The following PLGRKT variants were observed in gnomAD, a reference collection of about 807,000 sequenced individuals.
The protein encoded by PLGRKT is plasminogen receptor with a C-terminal lysine.
A neutral mutation model predicts 18.5 loss-of-function variants in PLGRKT; 22 were observed. The ratio of observed to expected loss-of-function variants is 1.19; its 90% CI spans 0.85 to 1.70. The LOEUF (loss-of-function observed/expected upper bound fraction) is 1.70, where lower values mean the gene tolerates loss of function less well. Ranked by LOEUF, PLGRKT falls within the 40% of genes most tolerant of loss-of-function variation. The pLI, the probability that PLGRKT is intolerant of heterozygous loss-of-function variation, is 0.00. For missense variants in PLGRKT, 235 were observed against 174.4 expected (o/e 1.35, Z -1.96); for synonymous variants, 72 against 52.8 (o/e 1.36, Z -1.58).
rs555840577 is a variant in PLGRKT at position 5,421,844 on chromosome 9, G to C, written c.81+10053C>G. Among the ~76,000 whole-genome samples the C allele has an allele frequency of 4.6e-5, 7 of 152,314 alleles. No individual in the cohort carries two copies. In the East Asian group the frequency reaches 1.2e-3, roughly 25 times the overall value. On this transcript the variant is annotated intron_variant, in intron 3 of 5. Coordinates refer to ENST00000223864, the MANE Select transcript of PLGRKT (RefSeq NM_018465.4). Reference sequence around the variant, plus strand: ...ATCTAAGGGACATAGGAATCAACTTGAAAGAGCTTCCATTAGCCAAAGATG... The same window carrying C: ...ATCTAAGGGACATAGGAATCAACTTCAAAGAGCTTCCATTAGCCAAAGATG...
chr9:5,398,759 G>A lies in PLGRKT; in HGVS notation c.81+33138C>T, dbSNP rs559255319. Among the ~76,000 whole-genome samples the A allele has an allele frequency of 1.3e-4, 19 of 151,886 alleles. 1 individual carries two copies. The highest frequency in any genetic ancestry group is 9.6e-4 in the East Asian group (5 of 5,188). On this transcript the variant is annotated intron_variant, in intron 3 of 5. Transcript: ENST00000223864. Reference sequence around the variant, plus strand: ...GTTTAAAAACTTTTTAAAAGAAGGCGCCACATGATGTTATAATATTGGGTA... The same window carrying A: ...GTTTAAAAACTTTTTAAAAGAAGGCACCACATGATGTTATAATATTGGGTA...
intron 3 of PLGRKT, among the ~76,000 whole-genome samples, chr9:5,422,282 G>A (rs968412639): frequency 6.6e-6 from 1 of 152,176 alleles, no homozygotes; most frequent in Non-Finnish European, 1.5e-5. Flanking sequence ...GACCTCATGA[G>A]CCTTGTGATG....
chr9:5,389,237 G>A (rs1160420151), intron 3 of PLGRKT, among the ~76,000 whole-genome samples: 1 of 151,994 alleles, frequency 6.6e-6, no homozygotes, highest in Admixed American at 6.5e-5. Flanking sequence ...GGCTGCAGGA[G>A]CACTGCTATT....
chr9:5,436,973 T>G (rs765587479), intron 1 of PLGRKT, among the ~76,000 whole-genome samples: 2 of 151,516 alleles, frequency 1.3e-5, no homozygotes, highest in Non-Finnish European at 2.9e-5. Context: ...TCACCAGGGG[T>G]AAAAAAAAAT....
chr9:5,373,244 T>C (rs1181142171), intron 3 of PLGRKT, among the ~76,000 whole-genome samples: 1 of 152,172 alleles, frequency 6.6e-6, no homozygotes, highest in African/African-American at 2.4e-5. Flanking sequence ...TATGCCCCTA[T>C]CCACTGTAGT....
chr9:5,407,087 A>G (rs1818272150), intron 3 of PLGRKT, among the ~76,000 whole-genome samples: 1 of 152,196 alleles, frequency 6.6e-6, no homozygotes, highest in South Asian at 2.1e-4. Context: ...CTCAAAGTAA[A>G]TATTTCTTCA....
chr9:5,420,393 G>A (rs555821851), intron 3 of PLGRKT, among the ~76,000 whole-genome samples: 22 of 152,228 alleles, frequency 1.4e-4, no homozygotes, highest in Admixed American at 1.0e-3. Context: ...AAATGGTGAC[G>A]TTTATATGAT....
At chr9:5,382,134 T>C (rs1476400329) in intron 3 of PLGRKT, 1 of 441,566 alleles carries the variant, frequency 2.3e-6, no homozygotes, top group Non-Finnish European at 3.0e-6. Flanking sequence ...CTATTCATGA[T>C]GACTCTCTAT....
intron 3 of PLGRKT, among the ~76,000 whole-genome samples, chr9:5,414,189 C>T (rs1046098228): frequency 2.6e-5 from 4 of 152,100 alleles, no homozygotes; most frequent in Non-Finnish European, 4.4e-5. Flanking sequence ...TTGTTTAAGA[C>T]GGAGTCTCAC....
At chr9:5,384,771 C>T (rs1195034476) in intron 3 of PLGRKT, among the ~76,000 whole-genome samples, 3 of 151,934 alleles carry the variant, frequency 2.0e-5, no homozygotes, top group African/African-American at 7.3e-5. Flanking sequence ...AATCATCACT[C>T]CCCACACAAA....
intron 3 of PLGRKT, among the ~76,000 whole-genome samples, chr9:5,394,055 A>C (rs13283426): frequency 0.22 from 33,173 of 151,680 alleles, 4,417 homozygotes; most frequent in Non-Finnish European, 0.29. Context: ...TAGTGTTGCT[A>C]TTTTTATCAT....
At chr9:5,386,294 A>G (rs977414341) in intron 3 of PLGRKT, among the ~76,000 whole-genome samples, 2 of 151,986 alleles carry the variant, frequency 1.3e-5, no homozygotes, top group East Asian at 3.9e-4. Flanking sequence ...TCAAGAACTT[A>G]AGTACAGGTA....
At chr9:5,365,964 T>C (rs1249675577) in intron 3 of PLGRKT, among the ~76,000 whole-genome samples, 1 of 152,202 alleles carries the variant, frequency 6.6e-6, no homozygotes, top group Non-Finnish European at 1.5e-5. Context: ...TGATAAACTA[T>C]GGGCCTAGAG....
intron 3 of PLGRKT, among the ~76,000 whole-genome samples, chr9:5,429,436 T>C (rs542825826): frequency 1.3e-5 from 2 of 152,356 alleles, no homozygotes; most frequent in Admixed American, 1.3e-4. Context: ...AACAGAAATT[T>C]ATTGTCTCTG....
At chr9:5,390,330 C>G (rs942589258) in intron 3 of PLGRKT, among the ~76,000 whole-genome samples, 1 of 151,576 alleles carries the variant, frequency 6.6e-6, no homozygotes, top group Non-Finnish European at 1.5e-5. Flanking sequence ...ACATGTGACA[C>G]TTTTATCAGA....
intron 3 of PLGRKT, among the ~76,000 whole-genome samples, chr9:5,393,661 G>C (rs1323794546): frequency 6.6e-6 from 1 of 151,502 alleles, no homozygotes; most frequent in African/African-American, 2.4e-5. Flanking sequence ...CAATCTTTTG[G>C]AATCAGAAAT....
chr9:5,381,544 C>T (rs1405356070), intron 3 of PLGRKT, among the ~76,000 whole-genome samples: 1 of 152,216 alleles, frequency 6.6e-6, no homozygotes, highest in Admixed American at 6.5e-5. Context: ...GCCTGGATGT[C>T]CAGGCAAAGT....
chr9:5,382,582 G>C (rs1012705460), intron 3 of PLGRKT, among the ~76,000 whole-genome samples: 7 of 152,224 alleles, frequency 4.6e-5, no homozygotes, highest in Admixed American at 2.0e-4. Context: ...TGAGGTAATG[G>C]AGGAAGGAGG....
intron 3 of PLGRKT, among the ~76,000 whole-genome samples, chr9:5,430,591 C>A (rs1818803481): frequency 6.6e-6 from 1 of 152,286 alleles, no homozygotes; most frequent in South Asian, 2.1e-4. Context: ...TAAAACATCC[C>A]TTTGAAGGGG....
Sources: gnomAD v4.1 joint callset for allele counts (sites outside exome capture counted in the v4.1 genomes callset) on GRCh38, gnomAD v4.1.1 for gene constraint, MANE v1.5 for transcripts, NCBI Gene and HGNC (gene_info 2026-07-23, HGNC 2026-07-21) for gene names.